The following TRERF1 variants were observed in gnomAD, a reference collection of about 807,000 sequenced individuals.
The protein encoded by TRERF1 is transcriptional-regulating factor 1.
TRERF1 carries 27 observed loss-of-function variants against 122.9 expected under a neutral mutation model. The ratio of observed to expected loss-of-function variants is 0.22; its 90% CI spans 0.16 to 0.30. TRERF1 has a LOEUF of 0.30. Ranked by LOEUF, TRERF1 falls within the 10% of genes least tolerant of loss-of-function variation. The pLI is 1.00. For missense variants in TRERF1, 1,248 were observed against 1,560.3 expected, an observed-to-expected ratio of 0.80 and a Z score of 3.37; for synonymous variants, 636 against 641.7, an observed-to-expected ratio of 0.99 and a Z score of 0.13.
chr6:42,318,295 C>A (rs959968980), intron 3 of TRERF1, among the ~76,000 whole-genome samples: 1 of 152,218 alleles, frequency 6.6e-6, no homozygotes, highest in African/African-American at 2.4e-5. Context: ...GCCCCCAACA[C>A]TGAATACAGG....
chr6:42,247,587 G>A (rs1240546573), intron 13 of TRERF1, among the ~76,000 whole-genome samples: 1 of 152,208 alleles, frequency 6.6e-6, no homozygotes, highest in African/African-American at 2.4e-5. Flanking sequence ...GCCGACCGAA[G>A]AGGGAGAGGC....
Position 42,269,835 on chromosome 6 carries a change from G to T in TRERF1, c.-245C>A. The T allele has an allele frequency of 9.7e-7, 1 of 1,034,844 alleles. No individual in the cohort carries two copies. The highest frequency in any genetic ancestry group is 1.3e-6 in the Non-Finnish European group (1 of 769,104). 64.1% of individuals were successfully genotyped at this position (1,034,844 alleles called of 1,614,324 possible). On this transcript the variant is annotated 5_prime_UTR_variant, in exon 5 of 18. Coordinates refer to ENST00000372922, the Ensembl canonical transcript of TRERF1. This position sits in a 1 kb window ranked among gnomAD's most constrained non-coding sequence, Gnocchi z 4.9. ...AGACCACACAGCACTGTGGTGAGGAGACGTCGCTCACACCTGCAAGGCAAG... is the reference window on the plus strand; with the variant it reads ...AGACCACACAGCACTGTGGTGAGGATACGTCGCTCACACCTGCAAGGCAAG...
chr6:42,294,423 G>A (rs528320210), intron 4 of TRERF1, among the ~76,000 whole-genome samples: 5 of 151,572 alleles, frequency 3.3e-5, no homozygotes, highest in Non-Finnish European at 5.9e-5. Flanking sequence ...CTCATGATCC[G>A]CTCGCCTCAG....
At chr6:42,372,230 T>C (rs1181348110) in intron 2 of TRERF1, among the ~76,000 whole-genome samples, 1 of 152,200 alleles carries the variant, frequency 6.6e-6, no homozygotes, top group African/African-American at 2.4e-5. Flanking sequence ...TGTAAGCTCC[T>C]ACTAGAGTCA....
intron 15 of TRERF1, among the ~76,000 whole-genome samples, chr6:42,237,454 T>G (rs1772516926): frequency 6.6e-6 from 1 of 152,188 alleles, no homozygotes; most frequent in South Asian, 2.1e-4. Context: ...AGCTTTTATT[T>G]TACAGTTTAC....
rs758966005 is a variant in TRERF1, at chr6:42,269,267, C to G, written c.324G>C (p.Trp108Cys). 34 of 1,614,182 alleles carry G rather than the reference C, an allele frequency of 2.1e-5. No individual in the cohort carries two copies. Among genetic ancestry groups the G allele is most frequent in the Non-Finnish European group, 2.9e-5 (34 of 1,180,022 alleles). Residue 108 changes from tryptophan to cysteine, a missense_variant, in exon 5 of 18, where the codon TGG becomes TGC. Transcript: ENST00000372922. This position sits in a 1 kb window ranked among gnomAD's most constrained non-coding sequence, Gnocchi z 4.9. ...TGGGCTCAGCCTGGGCTGGTGCCCC[C>G]CACATCATGTTTGAGTTGGCCAGGT... is the stretch of plus-strand genomic sequence containing the variant.
chr6:42,288,862 G>A (rs1405647819), intron 4 of TRERF1, among the ~76,000 whole-genome samples: 1 of 151,948 alleles, frequency 6.6e-6, no homozygotes, highest in African/African-American at 2.4e-5. Context: ...CAGGGGGCAA[G>A]GGCAAGACCA....
rs114323164 is a variant in TRERF1 at position 42,255,519 on chromosome 6, G to A, written c.2581-593C>T. Among the ~76,000 whole-genome samples the A allele has an allele frequency of 7.7e-3, 1,166 of 152,306 alleles. 14 individuals are homozygous for A. The highest frequency in any genetic ancestry group is 0.026 in the African/African-American group (1,073 of 41,564). ...AGTGTGGTCCATAGAACAGGAGTAC[G>A]TCCCTCACCTGGGAGCCGGTCAAAA... On this transcript the variant is annotated intron_variant, in intron 12 of 17. Coordinates refer to ENST00000372922, the Ensembl canonical transcript of TRERF1.
At chr6:42,300,839 C>T (rs1309145262) in intron 3 of TRERF1, 90 bp from the exon 4 acceptor site, 1 of 152,542 alleles carries the variant, frequency 6.6e-6, no homozygotes, top group Non-Finnish European at 1.5e-5. Flanking sequence ...ACCAGAAATC[C>T]CAGGGAAATT....
intron 4 of TRERF1, among the ~76,000 whole-genome samples, chr6:42,289,169 C>CA (rs1783836135): frequency 6.6e-6 from 1 of 151,578 alleles, no homozygotes; most frequent in Non-Finnish European, 1.5e-5. Flanking sequence ...ACTAAAAATA[C>CA]AAAAAAATGA....
At chr6:42,392,387 A>G (rs1777893831) in intron 2 of TRERF1, among the ~76,000 whole-genome samples, 1 of 152,216 alleles carries the variant, frequency 6.6e-6, no homozygotes, top group East Asian at 1.9e-4. Flanking sequence ...AATGATCATA[A>G]GAGCATTTAG....
intron 3 of TRERF1, among the ~76,000 whole-genome samples, chr6:42,334,494 G>A (rs982971893): frequency 6.6e-6 from 1 of 152,188 alleles, no homozygotes; most frequent in African/African-American, 2.4e-5. Context: ...AAGTCGTGGT[G>A]ATATTTTGAT....
At chr6:42,331,428 G>A (rs1357467484) in intron 3 of TRERF1, among the ~76,000 whole-genome samples, 1 of 152,180 alleles carries the variant, frequency 6.6e-6, no homozygotes, top group Non-Finnish European at 1.5e-5. Flanking sequence ...GACCTGCAGA[G>A]ACTCTCCCTC....
Position 42,269,725 on chromosome 6 carries a change from C to T in TRERF1, c.-135G>A, listed in dbSNP as rs16895481. 7.7e-3 allele frequency: 11,205 copies of T among 1,450,298 alleles called. 708 individuals carry two copies. The African/African-American group carries it at 0.14, about 18-fold the overall frequency. The allele number at this position is 1,450,298 out of a possible 1,614,324, so 89.8% of individuals were successfully genotyped here. On this transcript the variant is annotated 5_prime_UTR_variant, in exon 5 of 18. Transcript: ENST00000372922. The surrounding 1 kb of genome is among the most constrained non-coding windows in gnomAD (Gnocchi z 4.9). ...ACTCCACGGCTGACATGTCTGTGAA[C>T]GTGGCTGGAGCCAGGTGTTCCTGTT...
Position 42,275,860 on chromosome 6 carries a change from C to T in TRERF1, c.-258-6012G>A, listed in dbSNP as rs1270054743. 6.6e-6 allele frequency among the ~76,000 whole-genome samples: 1 copy of T among 152,228 alleles called. No individual in the cohort carries two copies. The highest frequency in any genetic ancestry group is 2.4e-5 in the African/African-American group (1 of 41,444). The stretch of plus-strand genomic sequence containing the variant: ...GGGCCCATACATATGGTTTCTGTCA[C>T]AACGCTGCCACGGTAGCGTGAAAGC... On this transcript the variant is annotated intron_variant, in intron 4 of 17. Transcript: ENST00000372922. The surrounding 1 kb of genome is among the most constrained non-coding windows in gnomAD (Gnocchi z 4.1).
intron 3 of TRERF1, among the ~76,000 whole-genome samples, chr6:42,341,959 G>C (rs143883701): frequency 1.3e-5 from 2 of 152,150 alleles, no homozygotes; most frequent in African/African-American, 2.4e-5. Flanking sequence ...CCATCTGCTC[G>C]GCTTAATGAA....
rs35720390 is a variant in TRERF1 at position 42,370,133 on chromosome 6, AG to A, written c.-453-7055del. ...GGGGGTAAAGGATGGATGCAGGGGA[AG>A]GGGGGGTCTCTTTATACCCTACCAT... On this transcript the variant is annotated intron_variant, in intron 2 of 17. Coordinates refer to ENST00000372922, the Ensembl canonical transcript of TRERF1. Among the ~76,000 whole-genome samples, 840 of 152,222 alleles carry A rather than the reference AG, an allele frequency of 5.5e-3. 8 individuals carry two copies. Among genetic ancestry groups the A allele is most frequent in the African/African-American group, 0.019 (793 of 41,526 alleles).
chr6:42,230,865 A>T (rs1264684283), intron 17 of TRERF1, among the ~76,000 whole-genome samples: 1 of 152,222 alleles, frequency 6.6e-6, no homozygotes, highest in Non-Finnish European at 1.5e-5. Context: ...TAGAGCCAGG[A>T]GCACAAGGCC....
At chr6:42,292,225 C>T (rs938117687) in intron 4 of TRERF1, among the ~76,000 whole-genome samples, 3 of 152,162 alleles carry the variant, frequency 2.0e-5, no homozygotes, top group African/African-American at 7.2e-5. Context: ...ATGACTCAGG[C>T]ATGATTGAGT....
Sources: allele counts gnomAD v4.1 joint callset (sites outside exome capture counted in the v4.1 genomes callset), GRCh38; gene constraint gnomAD v4.1.1; non-coding constraint Gnocchi (gnomAD v3.1); transcripts MANE v1.5; gene names NCBI Gene and HGNC (gene_info 2026-07-23, HGNC 2026-07-21).